Variants in GRTP1 observed in about 807,000 individuals in gnomAD.
GRTP1 encodes the protein growth hormone regulated TBC protein 1.
In GRTP1, 56 loss-of-function variants were observed where a neutral mutation model predicts 38.1. That is an observed-to-expected ratio of 1.47 (90% CI 1.19 to 1.84). GRTP1 has a LOEUF of 1.84. GRTP1 is among the 40% of genes most tolerant of loss of function. The pLI is 0.00. For missense variants in GRTP1, 506 were observed against 453.9 expected, an observed-to-expected ratio of 1.11 and a Z score of -1.04; for synonymous variants, 217 against 189.5, an observed-to-expected ratio of 1.14 and a Z score of -1.19.
At chr13:113,358,346 T>C (rs1198793087) in intron 2 of GRTP1, among the ~76,000 whole-genome samples, 1 of 152,212 alleles carries the variant, frequency 6.6e-6, no homozygotes, top group Non-Finnish European at 1.5e-5. Context: ...AACTAATAGA[T>C]ACACCATGTT....
rs1050608708 is a variant in GRTP1, at chr13:113,325,952, G to A, written c.702C>T (p.Phe234=). ...GCAAGATGTCCACAAACAGGCAGAT[G>A]AACCAGCGGGACACCAGCAGCGTCC... ...VLWTLLVSRW[F]ICLFVDILPV... is the part of the protein sequence containing the mutation. The change falls in exon 6 of 8, where the codon TTC becomes TTT. Residue 234 remains phenylalanine (F), a synonymous_variant. Coordinates refer to ENST00000375431, the MANE Select transcript of GRTP1 (RefSeq NM_024719.4). 1.9e-6 allele frequency: 3 copies of A among 1,613,758 alleles called. No individual in the cohort carries two copies. Among genetic ancestry groups the A allele is most frequent in the Non-Finnish European group, 1.7e-6 (2 of 1,179,944 alleles).
intron 5 of GRTP1, among the ~76,000 whole-genome samples, chr13:113,330,523 C>G (rs113339643): frequency 1.6e-5 from 2 of 124,994 alleles, no homozygotes; most frequent in Non-Finnish European, 1.7e-5. Flanking sequence ...CAGGTGTGTG[C>G]ATGGAAACCC....
chr13:113,350,979 G>A lies in GRTP1; in HGVS notation c.341-6C>T. ...GGGGAAGGTCCGGTTCAGGTCTGTG[G>A]GAAATTCAGAAGGAATCACCCACGG... is the stretch of plus-strand genomic sequence containing the variant. On this transcript the variant is annotated splice_polypyrimidine_tract_variant and splice_region_variant and intron_variant, in intron 3 of 7. Coordinates refer to ENST00000375431, the MANE Select transcript of GRTP1 (RefSeq NM_024719.4). 2 of 1,613,684 alleles carry A rather than the reference G, an allele frequency of 1.2e-6. No homozygotes were observed. The highest frequency in any genetic ancestry group is 1.7e-6 in the Non-Finnish European group (2 of 1,179,656).
chr13:113,364,005 C>G lies in GRTP1; in HGVS notation c.32+15G>C. 2 of 1,465,708 alleles carry G rather than the reference C, an allele frequency of 1.4e-6. No homozygotes were observed. Among genetic ancestry groups the G allele is most frequent in the Non-Finnish European group, 1.8e-6 (2 of 1,112,458 alleles). The allele number at this position is 1,465,708 out of a possible 1,614,324, so 90.8% of individuals were successfully genotyped here. On this transcript the variant is annotated intron_variant, in intron 1 of 7. Coordinates refer to ENST00000375431, the MANE Select transcript of GRTP1 (RefSeq NM_024719.4). ...ACCGCAGCCGCCGGGGACGCCCGCA[C>G]CCCGCGCCACACACCTGGGGACCCG...
chr13:113,333,838 A>ATTTAGC (rs749095615), intron 5 of GRTP1, among the ~76,000 whole-genome samples: 1 of 23,546 alleles, frequency 4.2e-5, no homozygotes, highest in East Asian at 4.4e-3. Context: ...TTATTTATTT[A>ATTTAGC]GTGTGTGTGT....
At position 113,357,104 on chromosome 13, in the gene GRTP1, G is replaced by A. The variant is rs1452404587; in HGVS notation, c.182-1623C>T. On this transcript the variant is annotated intron_variant, in intron 2 of 7. Coordinates refer to ENST00000375431, the MANE Select transcript of GRTP1 (RefSeq NM_024719.4). ...AGGTGGGCAGATCACGAGGTCAAGA[G>A]ATCGAGACCATCCTGGCCAACATGG... is the stretch of plus-strand genomic sequence containing the variant. 3.3e-5 allele frequency among the ~76,000 whole-genome samples: 5 copies of A among 151,586 alleles called. No homozygotes were observed. The East Asian group carries it at 9.6e-4, about 29-fold the overall frequency.
At chr13:113,351,460 C>T (rs1193185666) in intron 3 of GRTP1, among the ~76,000 whole-genome samples, 1 of 151,970 alleles carries the variant, frequency 6.6e-6, no homozygotes, top group Admixed American at 6.5e-5. Flanking sequence ...ATAAAGGACA[C>T]GGCTGAGAGC....
In GRTP1 at chr13:113,325,772, AATT is replaced by A; in HGVS notation, c.807_809del (p.Leu269_Ile270delinsPhe). ...CCAAAATCAACTCCTGGTGCTGCTT[AATT>A]AAGGTCAGGGCCACCCGGAAGATAA... On this transcript the variant is annotated inframe_deletion, in exon 7 of 8. Coordinates refer to ENST00000375431, the MANE Select transcript of GRTP1 (RefSeq NM_024719.4). 6.2e-7 allele frequency: 1 copy of A among 1,614,066 alleles called. No homozygotes were observed. Among genetic ancestry groups the A allele is most frequent in the South Asian group, 1.1e-5 (1 of 91,084 alleles).
intron 5 of GRTP1, among the ~76,000 whole-genome samples, chr13:113,335,842 G>A (rs2042947557): frequency 6.6e-6 from 1 of 151,912 alleles, no homozygotes; most frequent in Middle Eastern, 3.2e-3. Flanking sequence ...GCCCAGGCTG[G>A]AGCGTAGTGG....
chr13:113,342,914 C>T lies in GRTP1; in HGVS notation c.562+1949G>A, dbSNP rs193287098. Among the ~76,000 whole-genome samples, 2 of 152,200 alleles carry T rather than the reference C, an allele frequency of 1.3e-5. No homozygotes were observed. The highest frequency in any genetic ancestry group is 1.3e-4 in the Admixed American group (2 of 15,290). On this transcript the variant is annotated intron_variant, in intron 5 of 7. Transcript: ENST00000375431. This position sits in a 1 kb window ranked among gnomAD's most constrained non-coding sequence, Gnocchi z 4.5. ...GACGTCGTACGGACTGAAAACGCAT[C>T]TGTCCATCACACCAGCACGGCGGGG...
intron 5 of GRTP1, among the ~76,000 whole-genome samples, chr13:113,336,002 G>A (rs1472445759): frequency 1.3e-5 from 2 of 152,130 alleles, no homozygotes; most frequent in South Asian, 2.1e-4. Context: ...GTGTTGACCA[G>A]GCTGGTCTGA....
intron 5 of GRTP1, among the ~76,000 whole-genome samples, chr13:113,332,281 T>C (rs1173517700): frequency 2.0e-4 from 26 of 133,012 alleles, no homozygotes; most frequent in Non-Finnish European, 3.7e-4. Flanking sequence ...GGTACACACG[T>C]GCACACACAC....
intron 4 of GRTP1, among the ~76,000 whole-genome samples, 180 bp from the exon 5 acceptor site, chr13:113,345,139 A>G (rs2139453479): frequency 6.6e-6 from 1 of 152,364 alleles, no homozygotes; most frequent in East Asian, 1.9e-4. Flanking sequence ...CCGTCTAGTA[A>G]TGTGTTTAGT....
At chr13:113,344,421 AAAAG>A (rs1365937461) in intron 5 of GRTP1, among the ~76,000 whole-genome samples, 1 of 152,234 alleles carries the variant, frequency 6.6e-6, no homozygotes, top group East Asian at 1.9e-4. Flanking sequence ...TTTTACTGCA[AAAAG>A]ATTTTTGGCC....
At chr13:113,344,141 C>T (rs1158534553) in intron 5 of GRTP1, among the ~76,000 whole-genome samples, 1 of 152,212 alleles carries the variant, frequency 6.6e-6, no homozygotes, top group Non-Finnish European at 1.5e-5. Flanking sequence ...TATGCTCTTA[C>T]TAGTATTCAC....
intron 7 of GRTP1, chr13:113,325,168 A>T: frequency 9.5e-7 from 1 of 1,048,060 alleles, no homozygotes; most frequent in Non-Finnish European, 1.2e-6. Context: ...AGCTGCTGAA[A>T]TACCGCCCAC....
chr13:113,346,200 A>AGTG (rs2043120946), intron 4 of GRTP1, among the ~76,000 whole-genome samples: 28 of 62,562 alleles, frequency 4.5e-4, no homozygotes, highest in East Asian at 2.9e-3. Flanking sequence ...GGCTGAGAGC[A>AGTG]GACCCGGGAG....
In GRTP1 at chr13:113,325,643, A is replaced by G. The variant is rs754417354; in HGVS notation, c.921+18T>C. On this transcript the variant is annotated intron_variant, in intron 7 of 7. Coordinates refer to ENST00000375431, the MANE Select transcript of GRTP1 (RefSeq NM_024719.4). ...GGGCCCCCTGGGAGGGGACTGAGCC[A>G]CGTGCAGCCCCACACACCTGCATAA... 1 of 1,605,966 alleles carries G rather than the reference A, an allele frequency of 6.2e-7. No individual in the cohort carries two copies. The highest frequency in any genetic ancestry group is 1.5e-5 in the African/African-American group (1 of 67,192).
intron 5 of GRTP1, among the ~76,000 whole-genome samples, chr13:113,326,937 G>A (rs556536619): frequency 6.6e-6 from 1 of 152,358 alleles, no homozygotes; most frequent in Admixed American, 6.5e-5. Context: ...AACAGCTCTG[G>A]AGAGGGCGGC....
Sources: gnomAD v4.1 joint callset for allele counts (sites outside exome capture counted in the v4.1 genomes callset) on GRCh38, gnomAD v4.1.1 for gene constraint, Gnocchi (gnomAD v3.1) non-coding constraint, MANE v1.5 for transcripts, NCBI Gene and HGNC (gene_info 2026-07-23, HGNC 2026-07-21) for gene names.